Variants in PTK2 observed in about 807,000 individuals in gnomAD.
The protein encoded by PTK2 is focal adhesion kinase 1.
Under a neutral mutation model 150.1 loss-of-function variants are expected in PTK2, and 45 were observed. That is an observed-to-expected ratio of 0.30 (90% confidence interval 0.24 to 0.38). The LOEUF is 0.38. Ranked by LOEUF, PTK2 falls within the 10% of genes least tolerant of loss-of-function variation. The probability of loss-of-function intolerance (pLI) is 1.00; values close to 1 mark genes in which losing one functional copy is unlikely to be tolerated. For missense variants in PTK2, 919 were observed against 1,307.3 expected, an observed-to-expected ratio of 0.70 and a Z score of 4.58; for synonymous variants, 432 against 449.2, an observed-to-expected ratio of 0.96 and a Z score of 0.48.
chr8:140,864,528 T>C lies in PTK2; in HGVS notation c.363-129A>G, dbSNP rs556706487. On this transcript the variant is annotated intron_variant, in intron 4 of 31. Transcript: ENST00000522684. ...AGATGATTTCAAATAAAAGCTATCA[T>C]CAATTAATCTTTAAATGTAATTTTT... The C allele has an allele frequency of 3.0e-5, 15 of 496,976 alleles. No individual in the cohort carries two copies. In the South Asian group the frequency reaches 4.0e-4, roughly 13 times the overall value. The allele number at this position is 496,976 out of a possible 1,614,324, so 30.8% of individuals were successfully genotyped here.
chr8:140,748,503 A>AAG (rs2100060872), intron 17 of PTK2, among the ~76,000 whole-genome samples: 1 of 150,982 alleles, frequency 6.6e-6, no homozygotes, highest in African/African-American at 2.5e-5. Flanking sequence ...TCTCAAAAAA[A>AAG]AAAAAAAAAA....
At chr8:140,869,618 A>T (rs976643636) in intron 4 of PTK2, among the ~76,000 whole-genome samples, 1 of 152,190 alleles carries the variant, frequency 6.6e-6, no homozygotes, top group African/African-American at 2.4e-5. Flanking sequence ...GACAAAAGTC[A>T]GGATATCAGT....
intron 1 of PTK2, among the ~76,000 whole-genome samples, chr8:140,952,412 A>G (rs371934767): frequency 2.6e-5 from 4 of 152,194 alleles, no homozygotes; most frequent in East Asian, 1.9e-4. Context: ...CCTCTCCCTT[A>G]GCCTATGAAG....
chr8:140,866,737 G>C (rs999177641), intron 4 of PTK2, among the ~76,000 whole-genome samples: 2 of 152,308 alleles, frequency 1.3e-5, no homozygotes, highest in East Asian at 1.9e-4. Context: ...AAATTCAACA[G>C]TGAATAACAG....
intron 22 of PTK2, 62 bp downstream of exon 25, chr8:140,735,189 C>T (rs1234843713): frequency 6.7e-7 from 1 of 1,481,666 alleles, no homozygotes; most frequent in Non-Finnish European, 9.3e-7. Flanking sequence ...GCTATTACTG[C>T]AAGGAGGAGA....
At chr8:140,743,300 G>A in exon 20 of PTK2, 1 of 1,613,228 alleles carries the variant, frequency 6.2e-7, no homozygotes. Context: ...AATCATTTGA[G>A]GACACCAGAA....
chr8:140,844,848 A>G (rs2100124403), intron 7 of PTK2, among the ~76,000 whole-genome samples: 1 of 152,186 alleles, frequency 6.6e-6, no homozygotes, highest in African/African-American at 2.4e-5. Flanking sequence ...TCATTTTAAA[A>G]AACATGAATG....
intron 1 of PTK2, among the ~76,000 whole-genome samples, chr8:140,979,096 A>AC (rs2100190420): frequency 8.7e-6 from 1 of 115,084 alleles, no homozygotes; most frequent in Non-Finnish European, 1.7e-5. Context: ...AACATCACAC[A>AC]CCGGGGCCTG....
intron 22 of PTK2, among the ~76,000 whole-genome samples, chr8:140,725,397 G>A (rs756815271): frequency 1.3e-5 from 2 of 152,192 alleles, no homozygotes; most frequent in East Asian, 3.8e-4. Flanking sequence ...CTGGATATAA[G>A]AAACAACTGT....
intron 1 of PTK2, among the ~76,000 whole-genome samples, chr8:140,988,236 C>G (rs1167307972): frequency 6.6e-6 from 1 of 152,132 alleles, no homozygotes. Context: ...CAAACAACAT[C>G]TGGAAGAATT....
At chr8:140,898,718 C>A (rs1488132573) in intron 2 of PTK2, among the ~76,000 whole-genome samples, 1 of 152,260 alleles carries the variant, frequency 6.6e-6, no homozygotes, top group East Asian at 1.9e-4. Flanking sequence ...AGAATTCCCT[C>A]ATTTATAATT....
chr8:140,731,841 T>C (rs1470906124), intron 22 of PTK2, among the ~76,000 whole-genome samples: 1 of 152,084 alleles, frequency 6.6e-6, no homozygotes, highest in Non-Finnish European at 1.5e-5. Context: ...AGGTGGAGGT[T>C]GCAGGCAGCA....
In PTK2 at chr8:140,818,430, A is replaced by G. The variant is rs2100106086; in HGVS notation, c.790-76T>C. The stretch of plus-strand genomic sequence containing the variant: ...ATACTTTAGATAAAGAGCCGTGGAT[A>G]TGTTAAAGGACCAAAGCAGGGGCTG... On this transcript the variant is annotated intron_variant, in intron 9 of 31. Coordinates refer to ENST00000522684, the Ensembl canonical transcript of PTK2. 16 of 1,305,862 alleles carry G rather than the reference A, an allele frequency of 1.2e-5. No individual in the cohort carries two copies. In the South Asian group the frequency reaches 1.9e-4, roughly 16 times the overall value. The allele number at this position is 1,305,862 out of a possible 1,614,324, so 80.9% of individuals were successfully genotyped here.
chr8:140,760,658 T>G (rs2100068906), intron 16 of PTK2, among the ~76,000 whole-genome samples: 1 of 152,222 alleles, frequency 6.6e-6, no homozygotes, highest in African/African-American at 2.4e-5. Context: ...ACAGTGGTGA[T>G]AGCTGCACAA....
intron 27 of PTK2, among the ~76,000 whole-genome samples, chr8:140,677,257 G>T (rs1240040133): frequency 6.6e-6 from 1 of 152,162 alleles, no homozygotes; most frequent in African/African-American, 2.4e-5. Context: ...AGCACTGGGT[G>T]TGTAGATTCC....
chr8:140,920,311 C>T (rs905017621), intron 2 of PTK2, among the ~76,000 whole-genome samples: 4 of 151,962 alleles, frequency 2.6e-5, no homozygotes, highest in African/African-American at 9.7e-5. Context: ...TGAACAAAAA[C>T]CCTAACAACA....
At chr8:140,911,739 A>C (rs1439008475) in intron 2 of PTK2, among the ~76,000 whole-genome samples, 1 of 127,032 alleles carries the variant, frequency 7.9e-6, no homozygotes, top group African/African-American at 2.6e-5. Context: ...TATCACTATA[A>C]TGTTTTTCTT....
chr8:140,727,141 T>C (rs1000825143), intron 22 of PTK2, among the ~76,000 whole-genome samples: 3 of 152,136 alleles, frequency 2.0e-5, no homozygotes, highest in African/African-American at 7.2e-5. Context: ...GAGAGGTGGA[T>C]GTTAAGTTAT....
chr8:140,898,247 T>A (rs969339345), intron 2 of PTK2, among the ~76,000 whole-genome samples: 1 of 152,206 alleles, frequency 6.6e-6, no homozygotes, highest in Non-Finnish European at 1.5e-5. Context: ...CTGTAAGGTG[T>A]CTAGATGCTT....
Sources: gnomAD v4.1 joint callset for allele counts (sites outside exome capture counted in the v4.1 genomes callset) on GRCh38, gnomAD v4.1.1 for gene constraint, MANE v1.5 for transcripts, NCBI Gene and HGNC (gene_info 2026-07-23, HGNC 2026-07-21) for gene names.